Variants in FERRY3 observed in about 807,000 individuals in gnomAD.
The protein encoded by FERRY3 is protein C12orf4.
chr12:4,530,408 A>ATT, the FERRY3 span, among the ~76,000 whole-genome samples: 1 of 152,168 alleles, frequency 6.6e-6, no homozygotes, highest in African/African-American at 2.4e-5. Flanking sequence ...AATGGTGGCT[A>ATT]TTTCAGGACA....
chr12:4,525,608 G>T, the FERRY3 span: 1 of 1,524,334 alleles, frequency 6.6e-7, no homozygotes. Context: ...AACAAATCAG[G>T]GATATTCATC....
chr12:4,497,755 C>T, the FERRY3 span, among the ~76,000 whole-genome samples: 1 of 152,024 alleles, frequency 6.6e-6, no homozygotes, highest in African/African-American at 2.4e-5. Context: ...GTTATTTTTC[C>T]TTTATTCTTT....
At chr12:4,500,995 C>T in the FERRY3 span, among the ~76,000 whole-genome samples, 3 of 152,172 alleles carry the variant, frequency 2.0e-5, no homozygotes, top group Non-Finnish European at 2.9e-5. Flanking sequence ...TTGTTTTTTA[C>T]GTGCCCTAAA....
the FERRY3 span, among the ~76,000 whole-genome samples, chr12:4,522,438 A>G: frequency 6.6e-6 from 1 of 152,236 alleles, no homozygotes; most frequent in Non-Finnish European, 1.5e-5. Context: ...TGTTAACATA[A>G]TTAGGCATCA....
At chr12:4,503,633 TC>T in the FERRY3 span, among the ~76,000 whole-genome samples, 11 of 152,326 alleles carry the variant, frequency 7.2e-5, no homozygotes, top group African/African-American at 2.4e-4. Flanking sequence ...ACTTTAATAT[TC>T]CTTTTCTATC....
At chr12:4,525,828 T>C in the FERRY3 span, among the ~76,000 whole-genome samples, 1 of 152,226 alleles carries the variant, frequency 6.6e-6, no homozygotes, top group Admixed American at 6.5e-5. Flanking sequence ...CTAAATGTAT[T>C]GCACAGACGA....
the FERRY3 span, chr12:4,530,188 A>G: frequency 1.1e-5 from 8 of 720,106 alleles, no homozygotes; most frequent in Non-Finnish European, 1.5e-5. Context: ...GTGTGTAAAT[A>G]TATGTGTGTG....
chr12:4,534,324 C>T, the FERRY3 span: 1 of 1,570,848 alleles, frequency 6.4e-7, no homozygotes, highest in Non-Finnish European at 8.6e-7. Context: ...ACATCAAACA[C>T]CATCGTCAGC....
chr12:4,511,394 T>G, the FERRY3 span, among the ~76,000 whole-genome samples: 1 of 152,202 alleles, frequency 6.6e-6, no homozygotes, highest in Non-Finnish European at 1.5e-5. Flanking sequence ...GTGGACCTAA[T>G]AGACATCTAC....
the FERRY3 span, chr12:4,517,198 C>T: frequency 6.6e-7 from 1 of 1,522,204 alleles, no homozygotes; most frequent in African/African-American, 1.4e-5. Flanking sequence ...ATCTAAGGGA[C>T]CCAAAACATT....
chr12:4,535,757 G>A, the FERRY3 span, among the ~76,000 whole-genome samples: 13 of 152,238 alleles, frequency 8.5e-5, no homozygotes, highest in South Asian at 2.3e-3. This position sits in a 1 kb window ranked among gnomAD's most constrained non-coding sequence, Gnocchi z 4.0. Flanking sequence ...AAATTCAGAA[G>A]AGCTCCTCTA....
chr12:4,523,137 T>A, the FERRY3 span, among the ~76,000 whole-genome samples: 2 of 152,198 alleles, frequency 1.3e-5, no homozygotes. Context: ...CAAAAATAAA[T>A]TTTAAAATAC....
the FERRY3 span, among the ~76,000 whole-genome samples, chr12:4,533,284 A>AAAAC: frequency 1.3e-5 from 2 of 152,184 alleles, no homozygotes; most frequent in African/African-American, 4.8e-5. Flanking sequence ...GCCGCCTTAA[A>AAAAC]AAACAAACAA....
chr12:4,491,788 C>T, the FERRY3 span, among the ~76,000 whole-genome samples: 1 of 152,176 alleles, frequency 6.6e-6, no homozygotes, highest in Non-Finnish European at 1.5e-5. Flanking sequence ...GCGCGTATGC[C>T]ATTTAAAAAT....
At chr12:4,534,178 T>C in the FERRY3 span, 92 of 1,608,970 alleles carry the variant, frequency 5.7e-5, no homozygotes, top group Non-Finnish European at 6.4e-5. Flanking sequence ...CTTTGGCCCA[T>C]GTACTCGCCA....
chr12:4,519,248 C>T, the FERRY3 span, among the ~76,000 whole-genome samples: 1 of 152,010 alleles, frequency 6.6e-6, no homozygotes, highest in African/African-American at 2.4e-5. The surrounding 1 kb of genome is among the most constrained non-coding windows in gnomAD (Gnocchi z 4.3). Context: ...AGGGCTAGCC[C>T]TAGGCAAAAT....
the FERRY3 span, among the ~76,000 whole-genome samples, chr12:4,499,504 TG>T: frequency 6.6e-6 from 1 of 152,136 alleles, no homozygotes; most frequent in Admixed American, 6.6e-5. Flanking sequence ...AGTTTCTATG[TG>T]GGTGAAGGAA....
At chr12:4,506,765 TATC>T in the FERRY3 span, among the ~76,000 whole-genome samples, 1 of 152,188 alleles carries the variant, frequency 6.6e-6, no homozygotes, top group Non-Finnish European at 1.5e-5. Context: ...TTTGGCTTTT[TATC>T]ATGGACCACA....
the FERRY3 span, among the ~76,000 whole-genome samples, chr12:4,513,601 T>G: frequency 6.6e-6 from 1 of 151,858 alleles, no homozygotes; most frequent in Non-Finnish European, 1.5e-5. Context: ...ATATCTACAA[T>G]TATCTGATCT....
Sources: gnomAD v4.1 joint callset for allele counts (sites outside exome capture counted in the v4.1 genomes callset) on GRCh38, gnomAD v4.1.1 for gene constraint, Gnocchi (gnomAD v3.1) non-coding constraint, MANE v1.5 for transcripts, NCBI Gene and HGNC (gene_info 2026-07-23, HGNC 2026-07-21) for gene names.